ADGRF3: variants seen among roughly 807,000 people sequenced by gnomAD.
ADGRF3 encodes adhesion G protein-coupled receptor F3.
ADGRF3 carries 85 observed loss-of-function variants against 93.2 expected under a neutral mutation model. That is an observed-to-expected ratio of 0.91 (90% CI 0.77 to 1.09). ADGRF3 has a LOEUF of 1.09. ADGRF3 is among the 50% of genes least tolerant of loss of function. The pLI is 0.00. For missense variants in ADGRF3, 1,125 were observed against 1,246.2 expected, an observed-to-expected ratio of 0.90 and a Z score of 1.46; for synonymous variants, 534 against 532.5, an observed-to-expected ratio of 1.00 and a Z score of -0.04.
At position 26,311,273 on chromosome 2, in the gene ADGRF3, A is replaced by G; in HGVS notation, c.2251T>C (p.Leu751=). The part of the protein sequence containing the change: ...HAALLNMVFC[L]LAADTCFLGA... The stretch of plus-strand genomic sequence containing the variant: ...AGGAAGCAAGTGTCTGCGGCCAGCA[A>G]GCAGAACACCATGTTGAGCAGGGCG... The change falls in exon 10 of 14, where the codon TTG becomes CTG. Residue 751 remains leucine (L), a synonymous_variant. Coordinates refer to ENST00000651242, the MANE Select transcript of ADGRF3 (RefSeq NM_001321971.2). 6.2e-7 allele frequency: 1 copy of G among 1,613,648 alleles called. No individual in the cohort carries two copies. The highest frequency in any genetic ancestry group is 8.5e-7 in the Non-Finnish European group (1 of 1,179,766).
intron 1 of ADGRF3, among the ~76,000 whole-genome samples, chr2:26,336,872 C>G (rs776620815): frequency 3.3e-5 from 5 of 151,848 alleles, no homozygotes; most frequent in Non-Finnish European, 7.4e-5. Context: ...AGAGGAGGAA[C>G]CTGGCAGTAG....
At chr2:26,346,094 G>A in intron 1 of ADGRF3, 27 bp downstream of exon 1, 1 of 1,553,114 alleles carries the variant, frequency 6.4e-7, no homozygotes, top group South Asian at 1.2e-5. Flanking sequence ...CTACGCGTGC[G>A]CGGTGGGCGG....
intron 1 of ADGRF3, among the ~76,000 whole-genome samples, chr2:26,328,395 C>T (rs1227073624): frequency 6.6e-6 from 1 of 151,538 alleles, no homozygotes; most frequent in African/African-American, 2.4e-5. Context: ...TGTTTTTCTG[C>T]ACTGAATTAT....
chr2:26,318,772 C>G, intron 1 of ADGRF3: 1 of 871,018 alleles, frequency 1.1e-6, no homozygotes, highest in Non-Finnish European at 1.8e-6. Context: ...AGCTATCCCC[C>G]ACACCCAGGA....
At chr2:26,341,706 C>T (rs919125038) in intron 1 of ADGRF3, among the ~76,000 whole-genome samples, 15 of 152,088 alleles carry the variant, frequency 9.9e-5, no homozygotes, top group African/African-American at 2.9e-4. Context: ...CTATGTTGCC[C>T]AGGCTGGTCT....
intron 1 of ADGRF3, among the ~76,000 whole-genome samples, chr2:26,328,229 C>A (rs1195627154): frequency 1.3e-5 from 2 of 150,514 alleles, no homozygotes; most frequent in Non-Finnish European, 3.0e-5. Flanking sequence ...AGTAATCTAT[C>A]ATTTTTCCTT....
intron 1 of ADGRF3, among the ~76,000 whole-genome samples, chr2:26,322,325 T>C (rs1336930546): frequency 6.6e-6 from 1 of 150,754 alleles, no homozygotes; most frequent in Non-Finnish European, 1.5e-5. Context: ...AGAAAGCTGA[T>C]GGAGCTGGAG....
At chr2:26,337,325 C>T (rs1676111110) in intron 1 of ADGRF3, among the ~76,000 whole-genome samples, 1 of 152,334 alleles carries the variant, frequency 6.6e-6, no homozygotes, top group Non-Finnish European at 1.5e-5. Context: ...CTTGTAGCTT[C>T]CACTTTATTG....
intron 5 of ADGRF3, 72 bp downstream of exon 5, chr2:26,315,450 A>G: frequency 6.8e-7 from 1 of 1,466,402 alleles, no homozygotes; most frequent in Non-Finnish European, 9.2e-7. Context: ...GAAGGAAAGC[A>G]GAGAAGGAAG....
At position 26,308,821 on chromosome 2, in the gene ADGRF3, C is replaced by G. The variant is rs1673773138; in HGVS notation, c.*265G>C. On this transcript the variant is annotated 3_prime_UTR_variant, in exon 14 of 14. Coordinates refer to ENST00000651242, the MANE Select transcript of ADGRF3 (RefSeq NM_001321971.2). ...TTGTAATTATTCCGCACTTTGATAT[C>G]TGTCGATTATTTCTGGAGCAAAGGC... is the stretch of plus-strand genomic sequence containing the variant. The G allele has an allele frequency of 4.3e-6, 2 of 464,054 alleles. No homozygotes were observed. The highest frequency in any genetic ancestry group is 7.6e-6 in the Non-Finnish European group (2 of 261,728). 28.7% of individuals were successfully genotyped at this position (464,054 alleles called of 1,614,324 possible).
At chr2:26,342,197 G>A (rs1318744247) in intron 1 of ADGRF3, among the ~76,000 whole-genome samples, 4 of 151,858 alleles carry the variant, frequency 2.6e-5, no homozygotes, top group Non-Finnish European at 4.4e-5. Flanking sequence ...TTTCCTGGGT[G>A]ACTTTTGGTA....
At chr2:26,336,988 T>C (rs1676092829) in intron 1 of ADGRF3, among the ~76,000 whole-genome samples, 1 of 152,290 alleles carries the variant, frequency 6.6e-6, no homozygotes, top group East Asian at 1.9e-4. Flanking sequence ...AAAAAGCCAA[T>C]GACAAGAGTT....
chr2:26,346,041 G>T, intron 1 of ADGRF3, 80 bp downstream of exon 1: 1 of 1,408,718 alleles, frequency 7.1e-7, no homozygotes. Context: ...AGAAGCGTGG[G>T]CTGCGCTTGC....
In ADGRF3 at chr2:26,317,696, G is replaced by A. The variant is rs910382953; in HGVS notation, c.115-134C>T. 8.7e-6 allele frequency: 7 copies of A among 808,398 alleles called. No individual in the cohort carries two copies. In the African/African-American group the frequency reaches 1.2e-4, roughly 14 times the overall value. The allele number at this position is 808,398 out of a possible 1,614,324, so 50.1% of individuals were successfully genotyped here. ...TGCCAGGAGTCAAGTGTACACATCA[G>A]GAAGGGAAAGCAGGCTTCTGTTAGG... On this transcript the variant is annotated intron_variant, in intron 1 of 13. Coordinates refer to ENST00000651242, the MANE Select transcript of ADGRF3 (RefSeq NM_001321971.2).
intron 3 of ADGRF3, 31 bp downstream of exon 3, chr2:26,316,881 A>C (rs765679128): frequency 5.1e-6 from 8 of 1,570,696 alleles, no homozygotes; most frequent in Middle Eastern, 1.9e-4. Context: ...ATGTTCATTC[A>C]CTCTCAGCCC....
intron 13 of ADGRF3, 82 bp from the exon 14 acceptor site, chr2:26,309,189 C>G: frequency 6.2e-7 from 1 of 1,613,878 alleles, no homozygotes; most frequent in Admixed American, 1.7e-5. Flanking sequence ...CCAAGCCCAC[C>G]CATGGCAATC....
chr2:26,338,197 A>G (rs922539875), intron 1 of ADGRF3, among the ~76,000 whole-genome samples: 18 of 152,088 alleles, frequency 1.2e-4, no homozygotes, highest in African/African-American at 4.3e-4. Flanking sequence ...CGGAGAAGAG[A>G]GGTAGACAGG....
rs1303394172 is a variant in ADGRF3 at position 26,346,539 on chromosome 2, G to C, written c.-305C>G. ...CTTAGGAGAGCGCTCAGTGATCATG[G>C]AGCGAGGGAATTCCCTTCCTATTTT... On this transcript the variant is annotated 5_prime_UTR_variant, in exon 1 of 14. Transcript: ENST00000651242. 1 of 415,204 alleles carries C rather than the reference G, an allele frequency of 2.4e-6. No individual in the cohort carries two copies. Among genetic ancestry groups the C allele is most frequent in the Admixed American group, 4.4e-5 (1 of 22,694 alleles). The allele number at this position is 415,204 out of a possible 1,614,324, so 25.7% of individuals were successfully genotyped here. A position where few individuals can be genotyped will look rare whatever the true frequency, so the allele number is the denominator to read the frequency against.
chr2:26,346,019 C>A, intron 1 of ADGRF3, 102 bp downstream of exon 1: 1 of 1,263,492 alleles, frequency 7.9e-7, no homozygotes, highest in Non-Finnish European at 1.1e-6. Context: ...AACCCCCCCT[C>A]GATGGGCGGG....
Sources: gnomAD v4.1 joint callset for allele counts (sites outside exome capture counted in the v4.1 genomes callset) on GRCh38, gnomAD v4.1.1 for gene constraint, MANE v1.5 for transcripts, NCBI Gene and HGNC (gene_info 2026-07-23, HGNC 2026-07-21) for gene names.